The following ZMYM5 variants were observed in gnomAD, a reference collection of about 807,000 sequenced individuals.
ZMYM5 encodes the protein zinc finger MYM-type protein 5.
A neutral mutation model predicts 61.8 loss-of-function variants in ZMYM5; 41 were observed. The observed-to-expected ratio is 0.66, with a 90% CI of 0.52 to 0.86. ZMYM5 has a LOEUF of 0.86. Ranked by LOEUF, ZMYM5 falls within the 40% of genes least tolerant of loss-of-function variation. ZMYM5 has a pLI of 0.00. For missense variants in ZMYM5, 706 were observed against 786.7 expected, an observed-to-expected ratio of 0.90 and a Z score of 1.23; for synonymous variants, 257 against 276.4, an observed-to-expected ratio of 0.93 and a Z score of 0.70.
At chr13:19,834,769 A>C (rs1391265550) in intron 7 of ZMYM5, among the ~76,000 whole-genome samples, 1 of 151,962 alleles carries the variant, frequency 6.6e-6, no homozygotes, top group East Asian at 1.9e-4. Context: ...CGGGTTTGCA[A>C]CCTCTGCCTA....
Position 19,823,909 on chromosome 13 carries a change from G to GCT in ZMYM5, c.*566_*567dup, listed in dbSNP as rs1890781387. On this transcript the variant is annotated 3_prime_UTR_variant, in exon 8 of 8. Coordinates refer to ENST00000337963, the MANE Select transcript of ZMYM5 (RefSeq NM_001142684.2). ...GCTGGACTGCAGTGGTGCAATCTCA[G>GCT]CTCACTGCAACCTCTGCCTCCTGGG... 6.6e-6 allele frequency: 1 copy of GCT among 152,372 alleles called. No individual in the cohort carries two copies. Among genetic ancestry groups the GCT allele is most frequent in the African/African-American group, 2.4e-5 (1 of 41,450 alleles). The allele number at this position is 152,372 out of a possible 1,614,324, so 9.4% of individuals were successfully genotyped here.
intron 4 of ZMYM5, among the ~76,000 whole-genome samples, chr13:19,847,926 T>G (rs1237929016): frequency 6.6e-6 from 1 of 150,958 alleles, no homozygotes; most frequent in African/African-American, 2.4e-5. Flanking sequence ...GTGCTGGGAT[T>G]ACAGGCGTGA....
chr13:19,839,376 T>G (rs1009364528), intron 4 of ZMYM5, among the ~76,000 whole-genome samples: 7 of 151,040 alleles, frequency 4.6e-5, no homozygotes, highest in Non-Finnish European at 8.8e-5. Context: ...ACAGGCACAC[T>G]CAAAAAATAT....
At chr13:19,860,293 T>A (rs886164993) in intron 2 of ZMYM5, among the ~76,000 whole-genome samples, 1 of 130,676 alleles carries the variant, frequency 7.7e-6, no homozygotes, top group Non-Finnish European at 1.6e-5. Flanking sequence ...ACCCGTTTAA[T>A]TTTTTTTTTT....
chr13:19,851,325 G>A, intron 4 of ZMYM5, 30 bp downstream of exon 4: 1 of 1,559,780 alleles, frequency 6.4e-7, no homozygotes. Flanking sequence ...TTATTTACTT[G>A]AGGTAGAAAC....
intron 6 of ZMYM5, 86 bp downstream of exon 6, chr13:19,837,570 T>G: frequency 6.2e-7 from 1 of 1,609,390 alleles, no homozygotes; most frequent in Non-Finnish European, 8.5e-7. Flanking sequence ...ACGTGCATTA[T>G]GTAGATGAAA....
chr13:19,824,275 T>C lies in ZMYM5; in HGVS notation c.*202A>G, dbSNP rs1890799994. On this transcript the variant is annotated 3_prime_UTR_variant, in exon 8 of 8. Transcript: ENST00000337963. ...ATTGCCTAATGAAGTCATTGCCTAA[T>C]GATGATTGAATCTAATTAGTTTTAG... 1 of 222,822 alleles carries C rather than the reference T, an allele frequency of 4.5e-6. No homozygotes were observed. The highest frequency in any genetic ancestry group is 7.9e-6 in the Non-Finnish European group (1 of 125,836). 13.8% of individuals were successfully genotyped at this position (222,822 alleles called of 1,614,324 possible).
At chr13:19,861,394 C>T (rs1229418249) in intron 2 of ZMYM5, among the ~76,000 whole-genome samples, 3 of 152,144 alleles carry the variant, frequency 2.0e-5, no homozygotes, top group Non-Finnish European at 4.4e-5. Context: ...TCAAGCTATC[C>T]ACCCACCTCA....
In ZMYM5 at chr13:19,823,524, T is replaced by A. The variant is rs1265565351; in HGVS notation, c.*953A>T. 1 of 152,096 alleles carries A rather than the reference T, an allele frequency of 6.6e-6. No homozygotes were observed. The highest frequency in any genetic ancestry group is 2.4e-5 in the African/African-American group (1 of 41,434). The allele number at this position is 152,096 out of a possible 1,614,324, so 9.4% of individuals were successfully genotyped here. ...TATTTTAATATTTTTTATATTTTTA[T>A]CAACATAAAATAGGTAAATATAGTT... On this transcript the variant is annotated 3_prime_UTR_variant, in exon 8 of 8. Coordinates refer to ENST00000337963, the MANE Select transcript of ZMYM5 (RefSeq NM_001142684.2).
At chr13:19,828,604 A>C (rs1334647273) in intron 7 of ZMYM5, among the ~76,000 whole-genome samples, 1 of 152,198 alleles carries the variant, frequency 6.6e-6, no homozygotes, top group Non-Finnish European at 1.5e-5. Context: ...GTAAGGAAGG[A>C]AGAGGCACAG....
At chr13:19,849,873 C>T (rs1213688700) in intron 4 of ZMYM5, among the ~76,000 whole-genome samples, 1 of 151,692 alleles carries the variant, frequency 6.6e-6, no homozygotes, top group African/African-American at 2.4e-5. Context: ...CCCAGCTACT[C>T]GGAAGGCTGA....
In ZMYM5 at chr13:19,824,758, A is replaced by T. The variant is rs1890825458; in HGVS notation, c.1729T>A (p.Ser577Thr). The T allele has an allele frequency of 1.5e-6, 2 of 1,361,024 alleles. No individual in the cohort carries two copies. The highest frequency in any genetic ancestry group is 3.0e-5 in the African/African-American group (2 of 67,686). 84.3% of individuals were successfully genotyped at this position (1,361,024 alleles called of 1,614,324 possible). A position where few individuals can be genotyped will look rare whatever the true frequency, so the allele number is the denominator to read the frequency against. ...ILPNGEKTTR[S>T]WLLYSTSKDS... is the part of the protein sequence containing the mutation. The stretch of plus-strand genomic sequence containing the variant: ...TTTGAGGTTGAATAAAGTAACCAGG[A>T]TCTAGTGGTTTTTTCACCATTTGGA... Residue 577 changes from serine (S) to threonine (T), a missense_variant, in exon 8 of 8, where the codon TCC becomes ACC. Ser to Thr is a moderately conservative substitution (Grantham distance 58). Coordinates refer to ENST00000337963, the MANE Select transcript of ZMYM5 (RefSeq NM_001142684.2).
intron 2 of ZMYM5, among the ~76,000 whole-genome samples, chr13:19,856,906 A>G (rs1049879494): frequency 6.6e-6 from 1 of 152,090 alleles, no homozygotes; most frequent in Non-Finnish European, 1.5e-5. Flanking sequence ...GGAGATCGAG[A>G]CCAGCCTGGC....
intron 4 of ZMYM5, among the ~76,000 whole-genome samples, chr13:19,848,028 T>C (rs1953147115): frequency 6.6e-6 from 1 of 151,812 alleles, no homozygotes; most frequent in Non-Finnish European, 1.5e-5. Flanking sequence ...TGGAGTGCAG[T>C]GGCATGATCT....
chr13:19,838,600 A>C, intron 5 of ZMYM5, 100 bp downstream of exon 5: 1 of 1,433,556 alleles, frequency 7.0e-7, no homozygotes, highest in South Asian at 1.3e-5. Flanking sequence ...TCCTGCAACA[A>C]TTCTACCCAT....
intron 2 of ZMYM5, among the ~76,000 whole-genome samples, chr13:19,856,227 C>T (rs73168975): frequency 0.034 from 5,170 of 152,164 alleles, 109 homozygotes; most frequent in Middle Eastern, 0.072. Flanking sequence ...AATTATGTCA[C>T]CTGAGTTTTA....
chr13:19,850,706 A>T (rs1953254831), intron 4 of ZMYM5, among the ~76,000 whole-genome samples: 1 of 152,140 alleles, frequency 6.6e-6, no homozygotes, highest in South Asian at 2.1e-4. Context: ...TATAAATAAA[A>T]TAAAATCCAA....
At chr13:19,851,167 A>G (rs1350877968) in intron 4 of ZMYM5, among the ~76,000 whole-genome samples, 188 bp downstream of exon 4, 3 of 152,162 alleles carry the variant, frequency 2.0e-5, no homozygotes, top group South Asian at 4.1e-4. Flanking sequence ...ATGAGCTGAG[A>G]TTGCGCCATT....
At chr13:19,834,392 A>C (rs1952614778) in intron 7 of ZMYM5, among the ~76,000 whole-genome samples, 1 of 152,186 alleles carries the variant, frequency 6.6e-6, no homozygotes, top group South Asian at 2.1e-4. Flanking sequence ...TCAGTAACAA[A>C]AAGAATTCAA....
Sources: allele counts gnomAD v4.1 joint callset (sites outside exome capture counted in the v4.1 genomes callset), GRCh38; gene constraint gnomAD v4.1.1; transcripts MANE v1.5; gene names NCBI Gene and HGNC (gene_info 2026-07-23, HGNC 2026-07-21).